The following SLC39A11 variants were observed in gnomAD, a reference collection of about 807,000 sequenced individuals.
SLC39A11 encodes solute carrier family 39 member 11.
SLC39A11 carries 33 observed loss-of-function variants against 36.1 expected under a neutral mutation model. The ratio of observed to expected loss-of-function variants is 0.91; its 90% CI spans 0.69 to 1.22. SLC39A11 has a LOEUF of 1.22. Among genes scored for constraint, SLC39A11 ranks in the 50% most tolerant of loss-of-function variants. SLC39A11 has a pLI of 0.00. For synonymous variants in SLC39A11, 166 were observed against 170.3 expected, an observed-to-expected ratio of 0.97 and a Z score of 0.20; for missense variants, 432 against 430.3, an observed-to-expected ratio of 1.00 and a Z score of -0.03.
In SLC39A11 at chr17:72,647,398, A is replaced by G. The variant is rs2069604452; in HGVS notation, c.*186T>C. 6.7e-6 allele frequency: 3 copies of G among 446,074 alleles called. No individual in the cohort carries two copies. The highest frequency in any genetic ancestry group is 1.2e-5 in the Non-Finnish European group (3 of 250,670). The allele number at this position is 446,074 out of a possible 1,614,324, so 27.6% of individuals were successfully genotyped here. On this transcript the variant is annotated 3_prime_UTR_variant, in exon 10 of 10. Coordinates refer to ENST00000255559, the MANE Select transcript of SLC39A11 (RefSeq NM_139177.4). Reference sequence around the variant, plus strand: ...ATGACACCTTAAAATTCCCCATTAAATCAAAAATCTCCCTCAAAGCAAAGT... The same window carrying G: ...ATGACACCTTAAAATTCCCCATTAAGTCAAAAATCTCCCTCAAAGCAAAGT...
At chr17:73,070,589 G>A (rs1357534714) in intron 3 of SLC39A11, among the ~76,000 whole-genome samples, 1 of 152,006 alleles carries the variant, frequency 6.6e-6, no homozygotes, top group Non-Finnish European at 1.5e-5. Flanking sequence ...GGCTTTGGCT[G>A]CACATCACAG....
At chr17:72,947,180 G>A (rs973390672) in intron 5 of SLC39A11, among the ~76,000 whole-genome samples, 3 of 152,146 alleles carry the variant, frequency 2.0e-5, no homozygotes, top group African/African-American at 7.2e-5. Context: ...AAATTAGCCA[G>A]GCATGGACCT....
Position 72,759,990 on chromosome 17 carries a change from G to GT in SLC39A11, c.602-23272dup, listed in dbSNP as rs199657415. Among the ~76,000 whole-genome samples, 40 of 152,048 alleles carry GT rather than the reference G, an allele frequency of 2.6e-4. 2 individuals carry two copies. In the East Asian group the frequency reaches 6.2e-3, roughly 24 times the overall value. On this transcript the variant is annotated intron_variant, in intron 6 of 9. Coordinates refer to ENST00000255559, the MANE Select transcript of SLC39A11 (RefSeq NM_139177.4). ...TGTCTTAGGTCATGGAATCTTGTTT[G>GT]TTTTTTTTCTTCACAGGTCACATAT...
At chr17:72,757,544 C>T (rs550455378) in intron 6 of SLC39A11, among the ~76,000 whole-genome samples, 1 of 147,612 alleles carries the variant, frequency 6.8e-6, no homozygotes, top group Admixed American at 6.7e-5. Flanking sequence ...GGCTTTTTGT[C>T]TCCCAGGGCA....
intron 5 of SLC39A11, among the ~76,000 whole-genome samples, chr17:72,943,276 C>T (rs972866509): frequency 4.6e-5 from 7 of 152,132 alleles, no homozygotes; most frequent in Admixed American, 1.3e-4. Context: ...AAGAGTGCCA[C>T]GCAGCACATC....
intron 6 of SLC39A11, among the ~76,000 whole-genome samples, chr17:72,773,267 G>A (rs537798725): frequency 6.6e-6 from 1 of 152,178 alleles, no homozygotes; most frequent in East Asian, 1.9e-4. Flanking sequence ...ATAGACAGGG[G>A]TGACATGGTT....
chr17:72,811,952 A>G (rs972471187), intron 6 of SLC39A11, among the ~76,000 whole-genome samples: 2 of 152,220 alleles, frequency 1.3e-5, no homozygotes, highest in African/African-American at 4.8e-5. Context: ...GCAAAGCCTT[A>G]TATTTATAAA....
intron 4 of SLC39A11, among the ~76,000 whole-genome samples, chr17:73,029,532 C>G (rs1174098512): frequency 2.0e-5 from 3 of 152,036 alleles, no homozygotes; most frequent in Non-Finnish European, 4.4e-5. Context: ...CACACATAGT[C>G]GGCAGCAAGG....
chr17:72,699,067 G>T (rs1451398988), intron 7 of SLC39A11, among the ~76,000 whole-genome samples: 1 of 152,248 alleles, frequency 6.6e-6, no homozygotes, highest in Middle Eastern at 3.4e-3. Flanking sequence ...CTGACCTTGT[G>T]ATCTGCCCGC....
intron 7 of SLC39A11, among the ~76,000 whole-genome samples, chr17:72,720,571 G>A (rs374044207): frequency 1.3e-5 from 2 of 152,110 alleles, no homozygotes; most frequent in African/African-American, 4.8e-5. Context: ...GAAATGGGCT[G>A]GCCATCTAGC....
intron 5 of SLC39A11, among the ~76,000 whole-genome samples, chr17:72,886,823 C>T (rs1349110694): frequency 6.6e-6 from 1 of 152,212 alleles, no homozygotes; most frequent in Admixed American, 6.5e-5. Flanking sequence ...CACGAATGCT[C>T]CCTGTGACCC....
At chr17:72,955,876 C>T (rs1429356150) in intron 4 of SLC39A11, among the ~76,000 whole-genome samples, 9 of 152,212 alleles carry the variant, frequency 5.9e-5, no homozygotes, top group Admixed American at 3.9e-4. Context: ...AAAGAATTAA[C>T]GATTTTCTAG....
At chr17:72,676,708 G>A (rs2071275784) in intron 7 of SLC39A11, among the ~76,000 whole-genome samples, 1 of 152,200 alleles carries the variant, frequency 6.6e-6, no homozygotes, top group Non-Finnish European at 1.5e-5. Flanking sequence ...TACCTAAACA[G>A]TTTGTGCAAC....
rs202177814 is a variant in SLC39A11 at position 72,849,824 on chromosome 17, A to G, written c.431-20T>C. ...TCTTGTCTGAGCAAAAAAAAAAAAAAAGAGAGATGGGGAAAGACAGCGCTT... is the reference window on the plus strand; with the variant it reads ...TCTTGTCTGAGCAAAAAAAAAAAAAGAGAGAGATGGGGAAAGACAGCGCTT... On this transcript the variant is annotated intron_variant, in intron 5 of 9. Coordinates refer to ENST00000255559, the MANE Select transcript of SLC39A11 (RefSeq NM_139177.4). 1,711 of 1,372,016 alleles carry G rather than the reference A, an allele frequency of 1.2e-3. 32 individuals carry two copies. In the East Asian group the frequency reaches 0.03, roughly 24 times the overall value. 85.0% of individuals were successfully genotyped at this position (1,372,016 alleles called of 1,614,324 possible).
intron 4 of SLC39A11, among the ~76,000 whole-genome samples, chr17:72,984,436 C>T (rs1394055763): frequency 6.6e-6 from 1 of 152,086 alleles, no homozygotes; most frequent in African/African-American, 2.4e-5. Context: ...GATTCCTTTC[C>T]CTTGGGTGTT....
intron 5 of SLC39A11, among the ~76,000 whole-genome samples, chr17:72,917,649 C>A (rs2083410392): frequency 6.6e-6 from 1 of 152,108 alleles, no homozygotes; most frequent in Non-Finnish European, 1.5e-5. Context: ...TAACTAGGGC[C>A]CTTGTGACAT....
intron 5 of SLC39A11, among the ~76,000 whole-genome samples, chr17:72,878,925 G>A (rs1305670888): frequency 6.6e-6 from 1 of 152,222 alleles, no homozygotes; most frequent in Non-Finnish European, 1.5e-5. Context: ...ACTATAAATT[G>A]GGGTTCACAC....
At chr17:72,927,619 C>A (rs960780673) in intron 5 of SLC39A11, among the ~76,000 whole-genome samples, 5 of 152,102 alleles carry the variant, frequency 3.3e-5, no homozygotes, top group African/African-American at 1.2e-4. Flanking sequence ...AATGCCAATT[C>A]CATGTTGCAA....
chr17:72,756,011 C>T (rs1049187757), intron 6 of SLC39A11, among the ~76,000 whole-genome samples: 1 of 152,182 alleles, frequency 6.6e-6, no homozygotes, highest in Admixed American at 6.5e-5. Context: ...GCACCTCACA[C>T]CCATTAGGAT....
Sources: gnomAD v4.1 joint callset for allele counts (sites outside exome capture counted in the v4.1 genomes callset) on GRCh38, gnomAD v4.1.1 for gene constraint, MANE v1.5 for transcripts, NCBI Gene and HGNC (gene_info 2026-07-23, HGNC 2026-07-21) for gene names.